The following AK5 variants were observed in gnomAD, a reference collection of about 807,000 sequenced individuals.
The protein encoded by AK5 is adenylate kinase isoenzyme 5.
AK5 carries 27 observed loss-of-function variants against 69.5 expected under a neutral mutation model. The ratio of observed to expected loss-of-function variants is 0.39; its 90% CI spans 0.29 to 0.54. The LOEUF is 0.54. AK5 is among the 20% of genes least tolerant of loss of function. AK5 has a pLI of 0.71. For synonymous variants in AK5, 260 were observed against 244.4 expected (o/e 1.06, Z -0.60); for missense variants, 531 against 700.4 (o/e 0.76, Z 2.73).
intron 6 of AK5, among the ~76,000 whole-genome samples, chr1:77,401,422 G>A (rs546907629): frequency 1.2e-4 from 19 of 152,300 alleles, no homozygotes; most frequent in Non-Finnish European, 2.5e-4. Flanking sequence ...AATCAAGGGA[G>A]AAGTAAAAAT....
intron 13 of AK5, among the ~76,000 whole-genome samples, chr1:77,549,984 T>A (rs945646159): frequency 1.3e-5 from 2 of 151,906 alleles, no homozygotes; most frequent in Admixed American, 1.3e-4. Context: ...AGGGACAAGG[T>A]CTTACCCTGT....
chr1:77,412,862 C>T (rs1650135881), intron 7 of AK5, among the ~76,000 whole-genome samples: 1 of 152,130 alleles, frequency 6.6e-6, no homozygotes, highest in Non-Finnish European at 1.5e-5. Context: ...TTCTTGCCCT[C>T]ACACTCCACA....
chr1:77,509,070 G>C (rs1446102640), intron 10 of AK5, among the ~76,000 whole-genome samples: 5 of 152,214 alleles, frequency 3.3e-5, no homozygotes, highest in African/African-American at 1.2e-4. Context: ...CACTCGACTA[G>C]TTCAAAGCAG....
At chr1:77,549,871 C>CTGGA (rs71075752) in intron 13 of AK5, among the ~76,000 whole-genome samples, 91,486 of 151,566 alleles carry the variant, frequency 0.6, 30,312 homozygotes, top group Non-Finnish European at 0.74. Context: ...TTCACCCAGG[C>CTGGA]TGGAGTATAG....
intron 6 of AK5, among the ~76,000 whole-genome samples, chr1:77,366,768 G>A (rs1010302001): frequency 5.9e-5 from 9 of 152,156 alleles, no homozygotes; most frequent in Non-Finnish European, 1.2e-4. Context: ...TTAGTTTATA[G>A]TATCTCTACT....
chr1:77,424,703 A>G (rs1345348547), intron 8 of AK5, among the ~76,000 whole-genome samples: 2 of 152,238 alleles, frequency 1.3e-5, no homozygotes, highest in Non-Finnish European at 2.9e-5. Context: ...ATATGACAAT[A>G]GAAACTTTCA....
chr1:77,446,860 G>A (rs1320311170), intron 8 of AK5, among the ~76,000 whole-genome samples: 1 of 152,212 alleles, frequency 6.6e-6, no homozygotes, highest in African/African-American at 2.4e-5. Flanking sequence ...ATTATAATTT[G>A]AGGACTTAGC....
chr1:77,444,688 A>G (rs1652634159), intron 8 of AK5, among the ~76,000 whole-genome samples: 2 of 134,388 alleles, frequency 1.5e-5, no homozygotes, highest in South Asian at 4.4e-4. Flanking sequence ...TAGTATATAC[A>G]TAGTATAAAT....
chr1:77,336,997 G>A (rs956135634), intron 5 of AK5, among the ~76,000 whole-genome samples: 1 of 152,046 alleles, frequency 6.6e-6, no homozygotes, highest in East Asian at 1.9e-4. Context: ...AAATAGCTTA[G>A]CAGATTCATT....
At chr1:77,536,659 G>A (rs1658986955) in intron 13 of AK5, among the ~76,000 whole-genome samples, 1 of 152,204 alleles carries the variant, frequency 6.6e-6, no homozygotes, top group African/African-American at 2.4e-5. Context: ...GGCAGGGAGG[G>A]AGGGAGGCAT....
At chr1:77,475,715 G>A (rs1297654488) in intron 8 of AK5, among the ~76,000 whole-genome samples, 2 of 151,238 alleles carry the variant, frequency 1.3e-5, no homozygotes, top group Non-Finnish European at 2.9e-5. Flanking sequence ...AAAACAAAGA[G>A]GTAAAGGTCA....
At chr1:77,450,665 C>A (rs530926720) in intron 8 of AK5, among the ~76,000 whole-genome samples, 1 of 152,304 alleles carries the variant, frequency 6.6e-6, no homozygotes, top group South Asian at 2.1e-4. Context: ...CTATCCTCAA[C>A]AACCTTCTGC....
intron 8 of AK5, among the ~76,000 whole-genome samples, chr1:77,480,137 T>TGA (rs1655171941): frequency 1.3e-5 from 2 of 151,902 alleles, no homozygotes; most frequent in Non-Finnish European, 2.9e-5. Flanking sequence ...TGTGTGTGTG[T>TGA]GTGTGTGTGT....
chr1:77,350,188 T>C (rs1231185098), intron 6 of AK5, among the ~76,000 whole-genome samples: 3 of 152,146 alleles, frequency 2.0e-5, no homozygotes, highest in Non-Finnish European at 4.4e-5. Context: ...GGAGAAGTGG[T>C]ATGAGCCACC....
chr1:77,330,277 A>C (rs1044565602), intron 5 of AK5, among the ~76,000 whole-genome samples: 1 of 152,188 alleles, frequency 6.6e-6, no homozygotes, highest in African/African-American at 2.4e-5. Flanking sequence ...TTATGGTTAG[A>C]GTTTTCTAGG....
intron 5 of AK5, among the ~76,000 whole-genome samples, chr1:77,333,550 C>CCCG (rs1661197898): frequency 6.8e-6 from 1 of 148,002 alleles, no homozygotes; most frequent in Non-Finnish European, 1.5e-5. Flanking sequence ...AATCTCCCCC[C>CCCG]CACCATGCTA....
chr1:77,495,434 G>A lies in AK5; in HGVS notation c.1147+9082G>A, dbSNP rs546382505. On this transcript the variant is annotated intron_variant, in intron 10 of 13. Coordinates refer to ENST00000354567, the MANE Select transcript of AK5 (RefSeq NM_174858.3). ...GTGTCTGAAAACAAAGGTCAAATACGATAGCAAGTGAATATTAATGACAAA... is the reference window on the plus strand; with the variant it reads ...GTGTCTGAAAACAAAGGTCAAATACAATAGCAAGTGAATATTAATGACAAA... Among the ~76,000 whole-genome samples, 5 of 152,240 alleles carry A rather than the reference G, an allele frequency of 3.3e-5. No homozygotes were observed. The East Asian group carries it at 7.7e-4, about 23-fold the overall frequency.
intron 6 of AK5, among the ~76,000 whole-genome samples, chr1:77,362,582 C>A (rs892643069): frequency 6.6e-6 from 1 of 152,142 alleles, no homozygotes; most frequent in Non-Finnish European, 1.5e-5. Context: ...ACACATTATG[C>A]AAATCACAAT....
chr1:77,448,752 C>T (rs1236567893), intron 8 of AK5, among the ~76,000 whole-genome samples: 1 of 152,206 alleles, frequency 6.6e-6, no homozygotes, highest in Non-Finnish European at 1.5e-5. Context: ...AGAGCTGTGG[C>T]CCTCTGGGGA....
Sources: gnomAD v4.1 joint callset for allele counts (sites outside exome capture counted in the v4.1 genomes callset) on GRCh38, gnomAD v4.1.1 for gene constraint, MANE v1.5 for transcripts, NCBI Gene and HGNC (gene_info 2026-07-23, HGNC 2026-07-21) for gene names.